Variants in C8orf34 observed in about 807,000 individuals in gnomAD.
The protein encoded by C8orf34 is chromosome 8 open reading frame 34.
C8orf34 carries 65 observed loss-of-function variants against 68.3 expected under a neutral mutation model. That is an observed-to-expected ratio of 0.95 (90% CI 0.78 to 1.17). C8orf34 has a LOEUF of 1.17. Among genes scored for constraint, C8orf34 ranks in the 50% most tolerant of loss-of-function variants. The probability of loss-of-function intolerance (pLI) is 0.00; values close to 1 mark genes in which losing one functional copy is unlikely to be tolerated. For missense variants in C8orf34, 664 were observed against 655.4 expected (o/e 1.01, Z -0.14); for synonymous variants, 244 against 241.2 (o/e 1.01, Z -0.11).
At chr8:68,443,558 C>T (rs1043451248) in intron 2 of C8orf34, among the ~76,000 whole-genome samples, 11 of 151,862 alleles carry the variant, frequency 7.2e-5, no homozygotes, top group South Asian at 2.1e-4. Flanking sequence ...GCCACCATGC[C>T]GAGCTAACTT....
chr8:68,621,415 A>G (rs943123827), intron 7 of C8orf34, among the ~76,000 whole-genome samples: 1 of 152,258 alleles, frequency 6.6e-6, no homozygotes, highest in African/African-American at 2.4e-5. Context: ...CACAGCATCA[A>G]TACAACATAG....
intron 3 of C8orf34, among the ~76,000 whole-genome samples, chr8:68,450,098 A>G (rs1212266497): frequency 6.6e-6 from 1 of 152,118 alleles, no homozygotes; most frequent in African/African-American, 2.4e-5. Context: ...AATATTCACA[A>G]CATCTTCACC....
At chr8:68,747,208 T>G (rs1265174671) in intron 10 of C8orf34, among the ~76,000 whole-genome samples, 1 of 151,878 alleles carries the variant, frequency 6.6e-6, no homozygotes, top group Non-Finnish European at 1.5e-5. Context: ...AAACTCTCAA[T>G]AAATTAGGTA....
intron 7 of C8orf34, among the ~76,000 whole-genome samples, chr8:68,635,586 T>C (rs1204352595): frequency 6.6e-6 from 1 of 152,174 alleles, no homozygotes; most frequent in Non-Finnish European, 1.5e-5. Flanking sequence ...ATCATAGAAG[T>C]ATGATGAGAA....
At chr8:68,664,680 G>C (rs1188739005) in intron 8 of C8orf34, among the ~76,000 whole-genome samples, 1 of 152,100 alleles carries the variant, frequency 6.6e-6, no homozygotes, top group Non-Finnish European at 1.5e-5. Flanking sequence ...CTATTCATTT[G>C]TAACAAGTTT....
At chr8:68,791,209 T>A in intron 12 of C8orf34, 1 of 386,884 alleles carries the variant, frequency 2.6e-6, no homozygotes. Context: ...CTCAGGAAAC[T>A]TACAGTCATG....
chr8:68,578,159 C>T (rs1037295719), intron 7 of C8orf34, among the ~76,000 whole-genome samples: 6 of 151,768 alleles, frequency 4.0e-5, no homozygotes, highest in African/African-American at 1.5e-4. Context: ...ATTTTTGGGG[C>T]TAATACATTT....
intron 11 of C8orf34, among the ~76,000 whole-genome samples, chr8:68,786,425 AC>A (rs1462737390): frequency 2.0e-5 from 3 of 152,138 alleles, no homozygotes; most frequent in Non-Finnish European, 4.4e-5. Flanking sequence ...GACCTCAAGG[AC>A]CTTTTTTATT....
intron 8 of C8orf34, among the ~76,000 whole-genome samples, chr8:68,668,164 TTTAACCTTAAAAACGTATTA>T (rs1312247298): frequency 3.9e-5 from 6 of 152,112 alleles, no homozygotes; most frequent in Non-Finnish European, 8.8e-5. Context: ...AGCTACTACA[TTTAACCTTAAAAACGTATTA>T]TTATATTTTT....
At chr8:68,587,132 C>T (rs1375393326) in intron 7 of C8orf34, among the ~76,000 whole-genome samples, 1 of 152,016 alleles carries the variant, frequency 6.6e-6, no homozygotes, top group Non-Finnish European at 1.5e-5. Context: ...CTCTTTTTCT[C>T]ATCATCTCTG....
intron 7 of C8orf34, among the ~76,000 whole-genome samples, chr8:68,576,637 A>T (rs1420479691): frequency 1.3e-5 from 2 of 148,588 alleles, no homozygotes; most frequent in Admixed American, 1.3e-4. Flanking sequence ...TGCCAAGCAC[A>T]TTGCTAAATG....
intron 5 of C8orf34, among the ~76,000 whole-genome samples, chr8:68,503,109 T>A (rs1411743922): frequency 6.6e-6 from 1 of 152,144 alleles, no homozygotes; most frequent in Non-Finnish European, 1.5e-5. Flanking sequence ...AAGAGAAATG[T>A]AATAATTAAG....
chr8:68,679,318 A>G (rs1820292981), intron 8 of C8orf34, among the ~76,000 whole-genome samples: 1 of 151,890 alleles, frequency 6.6e-6, no homozygotes, highest in Non-Finnish European at 1.5e-5. Flanking sequence ...AAAAAACAAA[A>G]GCTATTAATA....
rs187432732 is a variant in C8orf34 at position 68,456,181 on chromosome 8, A to G, written c.607+9721A>G. 2.1e-3 allele frequency among the ~76,000 whole-genome samples: 319 copies of G among 151,770 alleles called. 1 individual carries two copies. The highest frequency in any genetic ancestry group is 6.9e-3 in the African/African-American group (287 of 41,362). Reference sequence around the variant, plus strand: ...TGAGGCAGGAGAATCACTTGAACCCAGGAGGCAGAACTTGCAGTGAGCTGA... The same window carrying G: ...TGAGGCAGGAGAATCACTTGAACCCGGGAGGCAGAACTTGCAGTGAGCTGA... On this transcript the variant is annotated intron_variant, in intron 3 of 13. Transcript: ENST00000518698.
chr8:68,330,640 T>A (rs1805524786), upstream of C8orf34: 1 of 192,244 alleles, frequency 5.2e-6, no homozygotes, highest in African/African-American at 2.3e-5. Context: ...AAGCACCAGA[T>A]TTATGTGCAC....
intron 1 of C8orf34, among the ~76,000 whole-genome samples, chr8:68,401,852 A>G (rs927921021): frequency 9.3e-5 from 12 of 128,728 alleles, no homozygotes; most frequent in African/African-American, 3.8e-4. Flanking sequence ...ATTGGTCTAC[A>G]GTTCTCTTTT....
intron 4 of C8orf34, among the ~76,000 whole-genome samples, chr8:68,479,406 TGAGAGAGAGAGAGA>T (rs10573693): frequency 2.7e-5 from 4 of 147,328 alleles, no homozygotes; most frequent in Admixed American, 6.8e-5. Flanking sequence ...AGAGAAACAG[TGAGAGAGAGAGAGA>T]GAGAGAGAGA....
At chr8:68,797,596 G>C (rs914089390) in intron 12 of C8orf34, among the ~76,000 whole-genome samples, 1 of 152,066 alleles carries the variant, frequency 6.6e-6, no homozygotes, top group African/African-American at 2.4e-5. Flanking sequence ...TTGTTTCCAG[G>C]CAGTCTCCCA....
intron 10 of C8orf34, among the ~76,000 whole-genome samples, chr8:68,757,491 A>G (rs922585000): frequency 1.3e-5 from 2 of 152,046 alleles, no homozygotes; most frequent in Non-Finnish European, 2.9e-5. Context: ...TTAGCCGGGT[A>G]TGATGGCGGG....
Sources: allele counts gnomAD v4.1 joint callset (sites outside exome capture counted in the v4.1 genomes callset), GRCh38; gene constraint gnomAD v4.1.1; transcripts MANE v1.5; gene names NCBI Gene and HGNC (gene_info 2026-07-23, HGNC 2026-07-21).